Variants in NEURL1 observed in about 807,000 individuals in gnomAD.
NEURL1 encodes E3 ubiquitin-protein ligase NEURL1.
In NEURL1, 26 loss-of-function variants were observed where a neutral mutation model predicts 41.2. The ratio of observed to expected loss-of-function variants is 0.63; its 90% CI spans 0.46 to 0.87. The LOEUF is 0.87. NEURL1 is among the 40% of genes least tolerant of loss of function. The pLI, the probability that NEURL1 is intolerant of heterozygous loss-of-function variation, is 0.00. For missense variants in NEURL1, 761 were observed against 871.1 expected (o/e 0.87, Z 1.59); for synonymous variants, 400 against 402.3 (o/e 0.99, Z 0.07).
At chr10:103,532,909 C>T (rs1159003910) in intron 1 of NEURL1, among the ~76,000 whole-genome samples, 3 of 146,078 alleles carry the variant, frequency 2.1e-5, no homozygotes, top group Non-Finnish European at 3.0e-5. Context: ...CACCTTTTTC[C>T]TTCTCTTCTC....
At chr10:103,519,770 TTTG>T (rs1216361655) in intron 1 of NEURL1, among the ~76,000 whole-genome samples, 5 of 151,834 alleles carry the variant, frequency 3.3e-5, no homozygotes, top group Admixed American at 2.6e-4. Context: ...GCAATAGTTT[TTTG>T]TTGTTGTTGT....
At chr10:103,564,699 A>G (rs2035380154) in intron 1 of NEURL1, among the ~76,000 whole-genome samples, 1 of 152,244 alleles carries the variant, frequency 6.6e-6, no homozygotes, top group Non-Finnish European at 1.5e-5. Context: ...CATTCGTAGA[A>G]TAGGGACCTT....
intron 3 of NEURL1, among the ~76,000 whole-genome samples, chr10:103,573,862 T>C (rs1439841467): frequency 1.3e-5 from 2 of 152,200 alleles, no homozygotes; most frequent in African/African-American, 2.4e-5. Context: ...CCTCCCTCCC[T>C]GAAACCTTCC....
chr10:103,572,756 C>T (rs1200221705), intron 3 of NEURL1, among the ~76,000 whole-genome samples: 1 of 152,202 alleles, frequency 6.6e-6, no homozygotes, highest in Non-Finnish European at 1.5e-5. Context: ...ACTCTGGGTA[C>T]AAATCAGGCC....
chr10:103,566,986 T>C lies in NEURL1; in HGVS notation c.86-3886T>C, dbSNP rs146173547. 3.3e-3 allele frequency among the ~76,000 whole-genome samples: 501 copies of C among 151,934 alleles called. 3 individuals are homozygous for C. The highest frequency in any genetic ancestry group is 5.2e-3 in the Non-Finnish European group (353 of 67,920). The stretch of plus-strand genomic sequence containing the variant: ...CTTTGTTTCTTTTCTTTCTTTCTTT[T>C]TTTTTTTTTTGTTTGAGACAGAGTC... On this transcript the variant is annotated intron_variant, in intron 1 of 5. Coordinates refer to ENST00000369780, the MANE Select transcript of NEURL1 (RefSeq NM_004210.5). The surrounding 1 kb of genome is among the most constrained non-coding windows in gnomAD (Gnocchi z 4.2).
At chr10:103,501,618 T>TTATTATTATTATTATTATTA (rs1554888033) in intron 1 of NEURL1, among the ~76,000 whole-genome samples, 3 of 142,596 alleles carry the variant, frequency 2.1e-5, no homozygotes, top group Non-Finnish European at 3.0e-5. Context: ...TCCCACTTTA[T>TTATTATTATTATTATTATTA]TTATTATTAT....
intron 4 of NEURL1, among the ~76,000 whole-genome samples, chr10:103,586,686 A>G (rs1308702318): frequency 6.6e-6 from 1 of 152,240 alleles, no homozygotes; most frequent in African/African-American, 2.4e-5. Flanking sequence ...GAGAAATCAT[A>G]TAAAAAACAT....
intron 1 of NEURL1, among the ~76,000 whole-genome samples, chr10:103,505,151 TC>T (rs2033918043): frequency 6.6e-6 from 1 of 151,058 alleles, no homozygotes; most frequent in Admixed American, 6.6e-5. Context: ...CCTTCTGGGC[TC>T]AAGCAATCCT....
chr10:103,507,833 G>A (rs904892174), intron 1 of NEURL1, among the ~76,000 whole-genome samples: 2 of 152,178 alleles, frequency 1.3e-5, no homozygotes, highest in African/African-American at 2.4e-5. Flanking sequence ...TTCTGCCAGG[G>A]ACCTGCAGCC....
At chr10:103,539,583 G>A (rs1053591757) in intron 1 of NEURL1, among the ~76,000 whole-genome samples, 3 of 152,166 alleles carry the variant, frequency 2.0e-5, no homozygotes, top group Non-Finnish European at 4.4e-5. Context: ...GGAGCAAAGG[G>A]GTGTGTGGGG....
At chr10:103,562,766 T>C (rs554986827) in intron 1 of NEURL1, among the ~76,000 whole-genome samples, 3 of 152,022 alleles carry the variant, frequency 2.0e-5, no homozygotes, top group Middle Eastern at 3.4e-3. Context: ...CTGGGAAAAA[T>C]CTACGTCCGA....
chr10:103,496,242 C>G (rs1328260849), intron 1 of NEURL1, among the ~76,000 whole-genome samples: 2 of 152,106 alleles, frequency 1.3e-5, no homozygotes, highest in Non-Finnish European at 2.9e-5. Context: ...GTTATTTATA[C>G]TAGGTGGATA....
At chr10:103,557,780 G>T (rs2035188113) in intron 1 of NEURL1, among the ~76,000 whole-genome samples, 1 of 152,278 alleles carries the variant, frequency 6.6e-6, no homozygotes, top group Admixed American at 6.5e-5. Flanking sequence ...GCTGGGGCCA[G>T]CGGGAGACGC....
rs1592248831 is a variant in NEURL1 at position 103,590,850 on chromosome 10, A to G, written c.*478A>G. ...TTAGGCTCATTTGCCCTCTCAGCCA[A>G]CTGCCCTTGAGCAGTGTACAGCCTG... On this transcript the variant is annotated 3_prime_UTR_variant, in exon 6 of 6. Transcript: ENST00000369780. 1 of 186,600 alleles carries G rather than the reference A, an allele frequency of 5.4e-6. No homozygotes were observed. The highest frequency in any genetic ancestry group is 1.1e-5 in the Non-Finnish European group (1 of 88,780). 11.6% of individuals were successfully genotyped at this position (186,600 alleles called of 1,614,324 possible).
chr10:103,540,694 C>G (rs533901194), intron 1 of NEURL1, among the ~76,000 whole-genome samples: 1 of 152,178 alleles, frequency 6.6e-6, no homozygotes, highest in African/African-American at 2.4e-5. Context: ...GAATCATTTT[C>G]GTTACCATAA....
Position 103,584,688 on chromosome 10 carries a change from G to A in NEURL1, c.802G>A (p.Ala268Thr), listed in dbSNP as rs1458972198. 7.0e-7 allele frequency: 1 copy of A among 1,433,630 alleles called. No homozygotes were observed. The highest frequency in any genetic ancestry group is 3.0e-5 in the East Asian group (1 of 33,514). 88.8% of individuals were successfully genotyped at this position (1,433,630 alleles called of 1,614,324 possible). The change falls in exon 4 of 6, where the codon GCC becomes ACC. Residue 268 changes from alanine to threonine, a missense_variant. Transcript: ENST00000369780. ...PGADGDEAAP[A>T]AGCPIPQNSL... Reference sequence around the variant, plus strand: ...CGCGGACGGCGACGAGGCCGCGCCGGCCGCCGGCTGCCCCATCCCGCAGAA... The same window carrying A: ...CGCGGACGGCGACGAGGCCGCGCCGACCGCCGGCTGCCCCATCCCGCAGAA...
At position 103,569,822 on chromosome 10, in the gene NEURL1, C is replaced by T. The variant is rs576975580; in HGVS notation, c.86-1050C>T. 8.3e-4 allele frequency among the ~76,000 whole-genome samples: 126 copies of T among 152,244 alleles called. 1 individual carries two copies. The highest frequency in any genetic ancestry group is 2.8e-3 in the African/African-American group (118 of 41,532). ...GGCAGGAAGCTGCTCTAGAGAGACC[C>T]GGGGGCTCATGCACAGGGTGTCTGG... On this transcript the variant is annotated intron_variant, in intron 1 of 5. Coordinates refer to ENST00000369780, the MANE Select transcript of NEURL1 (RefSeq NM_004210.5).
chr10:103,542,585 C>A (rs965058720), intron 1 of NEURL1, among the ~76,000 whole-genome samples: 1 of 152,016 alleles, frequency 6.6e-6, no homozygotes, highest in South Asian at 2.1e-4. Flanking sequence ...TTATTACCTC[C>A]TAGGTGATGC....
intron 3 of NEURL1, among the ~76,000 whole-genome samples, chr10:103,575,045 C>G (rs988405178): frequency 1.3e-5 from 2 of 150,730 alleles, no homozygotes; most frequent in African/African-American, 4.9e-5. Context: ...ATCCAGAGAT[C>G]TCCTGAGGTG....
Sources: gnomAD v4.1 joint callset for allele counts (sites outside exome capture counted in the v4.1 genomes callset) on GRCh38, gnomAD v4.1.1 for gene constraint, Gnocchi (gnomAD v3.1) non-coding constraint, MANE v1.5 for transcripts, NCBI Gene and HGNC (gene_info 2026-07-23, HGNC 2026-07-21) for gene names.